The following MAEA variants were observed in gnomAD, a reference collection of about 807,000 sequenced individuals.
MAEA encodes macrophage erythroblast attacher, E3 ubiquitin ligase.
Under a neutral mutation model 46.2 loss-of-function variants are expected in MAEA, and 22 were observed. The observed-to-expected ratio is 0.48, with a 90% CI of 0.34 to 0.68. The LOEUF is 0.68. MAEA is among the 30% of genes least tolerant of loss of function. The probability of loss-of-function intolerance (pLI) is 0.01; values close to 1 mark genes in which losing one functional copy is unlikely to be tolerated. For missense variants in MAEA, 393 were observed against 558.1 expected, an observed-to-expected ratio of 0.70 and a Z score of 2.98; for synonymous variants, 246 against 222.6, an observed-to-expected ratio of 1.11 and a Z score of -0.94.
intron 1 of MAEA, among the ~76,000 whole-genome samples, chr4:1,299,175 A>T (rs1280429092): frequency 6.6e-6 from 1 of 152,168 alleles, no homozygotes; most frequent in Non-Finnish European, 1.5e-5. Flanking sequence ...CACCATGCCC[A>T]GCTCCTTGGC....
intron 5 of MAEA, chr4:1,329,276 C>G (rs1011992303): frequency 9.2e-6 from 9 of 982,974 alleles, no homozygotes; most frequent in Admixed American, 1.2e-4. Context: ...GTGTTCCCCC[C>G]GCTCCGCGTA....
chr4:1,289,905 C>A lies in MAEA; in HGVS notation c.-9C>A. 1 of 1,594,688 alleles carries A rather than the reference C, an allele frequency of 6.3e-7. No homozygotes were observed. The highest frequency in any genetic ancestry group is 8.5e-7 in the Non-Finnish European group (1 of 1,169,798). ...GTCCCCCGCCCGCTAATGTTTTGGC[C>A]GCTTCAAGATGGCGGTGCAGGAGTC... On this transcript the variant is annotated 5_prime_UTR_variant, in exon 1 of 9. Transcript: ENST00000303400.
intron 1 of MAEA, among the ~76,000 whole-genome samples, chr4:1,291,429 G>A (rs1734097616): frequency 6.6e-6 from 1 of 152,218 alleles, no homozygotes; most frequent in South Asian, 2.1e-4. Context: ...GATGTAGGTG[G>A]TTGGTTTTTA....
intron 6 of MAEA, chr4:1,335,143 G>A (rs1425940860): frequency 3.0e-6 from 3 of 985,256 alleles, no homozygotes; most frequent in Non-Finnish European, 3.6e-6. Flanking sequence ...GGTTATTTAG[G>A]GACAGACATT....
intron 5 of MAEA, chr4:1,331,643 G>C (rs918211853): frequency 1.3e-5 from 2 of 152,710 alleles, no homozygotes; most frequent in African/African-American, 4.8e-5. Context: ...CTGTGCATTG[G>C]GGTCGCTTTG....
At chr4:1,310,363 C>T (rs759949695) in intron 1 of MAEA, among the ~76,000 whole-genome samples, 4 of 152,192 alleles carry the variant, frequency 2.6e-5, no homozygotes, top group Non-Finnish European at 5.9e-5. Flanking sequence ...GAATCTTTCC[C>T]GTCTTTCCTA....
intron 2 of MAEA, 38 bp downstream of exon 2, chr4:1,312,199 A>C: frequency 1.9e-6 from 3 of 1,610,746 alleles, no homozygotes; most frequent in Non-Finnish European, 2.5e-6. Flanking sequence ...AGTCTGGGGC[A>C]TGGACACCCC....
intron 1 of MAEA, among the ~76,000 whole-genome samples, chr4:1,310,955 C>A (rs7672093): frequency 0.086 from 13,167 of 152,310 alleles, 1,232 homozygotes; most frequent in East Asian, 0.42. Flanking sequence ...GTCCAGGTCT[C>A]CCTCACTGCA....
At chr4:1,316,151 G>T (rs899016991) in intron 3 of MAEA, among the ~76,000 whole-genome samples, 1 of 152,106 alleles carries the variant, frequency 6.6e-6, no homozygotes, top group Non-Finnish European at 1.5e-5. Context: ...TGAGAGCTTT[G>T]CCTTTATCTC....
chr4:1,310,249 C>G (rs752680921), intron 1 of MAEA, among the ~76,000 whole-genome samples: 20 of 152,236 alleles, frequency 1.3e-4, no homozygotes, highest in Non-Finnish European at 2.2e-4. Context: ...GGGGCCTTCC[C>G]CAGTGGGTCT....
chr4:1,333,460 G>C (rs1712124686), intron 6 of MAEA, among the ~76,000 whole-genome samples: 1 of 152,156 alleles, frequency 6.6e-6, no homozygotes, highest in Non-Finnish European at 1.5e-5. Context: ...CCCTGAGTCA[G>C]GAGTTAGGCT....
chr4:1,320,220 T>C lies in MAEA; in HGVS notation c.457-2161T>C, dbSNP rs530559933. Among the ~76,000 whole-genome samples the C allele has an allele frequency of 2.7e-5, 4 of 145,850 alleles. No homozygotes were observed. The Admixed American group carries it at 2.8e-4, about 10-fold the overall frequency. On this transcript the variant is annotated intron_variant, in intron 3 of 8. Coordinates refer to ENST00000303400, the MANE Select transcript of MAEA (RefSeq NM_001017405.3). ...AGAACAAACGTGCAAGAAAACACTA[T>C]GAAGGGGCTTCAGAAAAGAAATCAA...
In MAEA at chr4:1,315,499, G is replaced by A. The variant is rs757520175; in HGVS notation, c.355G>A (p.Val119Met). The A allele has an allele frequency of 2.0e-5, 33 of 1,613,806 alleles. No homozygotes were observed. The highest frequency in any genetic ancestry group is 6.7e-5 in the East Asian group (3 of 44,894). The change falls in exon 3 of 9, where the codon GTG (valine) becomes ATG (methionine). Residue 119 changes from valine (V) to methionine (M), a missense_variant. This residue lies in a region of MAEA where 358 missense variants were observed against 537.9 expected (regional missense o/e 0.67). Coordinates refer to ENST00000303400, the MANE Select transcript of MAEA (RefSeq NM_001017405.3). ...HSSDQPAAAS[V>M]WKRKRMDRMM... Reference sequence around the variant, plus strand: ...CAGCGACCAGCCCGCGGCGGCCAGCGTGTGGAAGAGGAAGCGCATGGATCG... The same window carrying A: ...CAGCGACCAGCCCGCGGCGGCCAGCATGTGGAAGAGGAAGCGCATGGATCG...
chr4:1,315,478 G>A lies in MAEA; in HGVS notation c.334G>A (p.Asp112Asn), dbSNP rs747833217. 3.7e-6 allele frequency: 6 copies of A among 1,613,878 alleles called. No homozygotes were observed. The highest frequency in any genetic ancestry group is 2.2e-5 in the East Asian group (1 of 44,886). ...CGAGCACCTCAAAGAGCATAGCAGC[G>A]ACCAGCCCGCGGCGGCCAGCGTGTG... ...RIEHLKEHSS[D>N]QPAAASVWKR... The change falls in exon 3 of 9, where the codon GAC (aspartate) becomes AAC (asparagine). Residue 112 changes from aspartate to asparagine, a missense_variant. Around this residue, in one of 2 missense-constraint regions of MAEA, gnomAD observed 358 missense variants for 537.9 expected, o/e 0.67. Transcript: ENST00000303400.
At chr4:1,294,199 C>G (rs1734395075) in intron 1 of MAEA, among the ~76,000 whole-genome samples, 1 of 152,190 alleles carries the variant, frequency 6.6e-6, no homozygotes. Context: ...CATGGTCTGC[C>G]CTTTGTGGCT....
chr4:1,303,974 T>C (rs1198152297), intron 1 of MAEA, among the ~76,000 whole-genome samples: 1 of 150,890 alleles, frequency 6.6e-6, no homozygotes, highest in Admixed American at 6.6e-5. Flanking sequence ...GGGGCGTCCG[T>C]GGTGTGTAGC....
At chr4:1,298,720 G>A (rs1231498622) in intron 1 of MAEA, among the ~76,000 whole-genome samples, 2 of 152,078 alleles carry the variant, frequency 1.3e-5, no homozygotes, top group Non-Finnish European at 2.9e-5. Flanking sequence ...TGTGAGCACC[G>A]CTGCCTTGGT....
chr4:1,337,357 GCCTGTGACTGACTCTGTCCCA>G (rs1167871963), intron 7 of MAEA: 6 of 293,158 alleles, frequency 2.0e-5, no homozygotes, highest in Admixed American at 5.1e-5. Flanking sequence ...ACTCTGTCCC[GCCTGTGACTGACTCTGTCCCA>G]CCTGTGACCG....
At chr4:1,338,683 CGGGCA>C (rs1713126019) in intron 8 of MAEA, 66 bp downstream of exon 8, 1 of 1,160,688 alleles carries the variant, frequency 8.6e-7, no homozygotes. Flanking sequence ...CTGTGTGGGA[CGGGCA>C]GGGCAGGGGG....
Sources: gnomAD v4.1 joint callset for allele counts (sites outside exome capture counted in the v4.1 genomes callset) on GRCh38, gnomAD v4.1.1 for gene constraint, gnomAD v4.1.1 regional missense constraint, MANE v1.5 for transcripts, NCBI Gene and HGNC (gene_info 2026-07-23, HGNC 2026-07-21) for gene names.